Variants in RIPOR3 observed in about 807,000 individuals in gnomAD.
RIPOR3 encodes RIPOR family member 3.
In RIPOR3, 95 loss-of-function variants were observed where a neutral mutation model predicts 114.3. The ratio of observed to expected loss-of-function variants is 0.83; its 90% CI spans 0.70 to 0.99. The LOEUF is 0.99. RIPOR3 is among the 50% of genes least tolerant of loss of function. RIPOR3 has a pLI of 0.00. For synonymous variants in RIPOR3, 575 were observed against 543.8 expected (o/e 1.06, Z -0.80); for missense variants, 1,252 against 1,266.9 (o/e 0.99, Z 0.18).
chr20:50,602,707 A>G lies in RIPOR3; in HGVS notation c.1087-63T>C. ...CCAGGGACCACAGCAAGTCCCCCAG[A>G]GGGGCTTCCCCTGACAGACACCCGC... is the stretch of plus-strand genomic sequence containing the variant. On this transcript the variant is annotated intron_variant, in intron 12 of 21. Transcript: ENST00000327979. This position sits in a 1 kb window ranked among gnomAD's most constrained non-coding sequence, Gnocchi z 4.3. 7.7e-7 allele frequency: 1 copy of G among 1,298,482 alleles called. No homozygotes were observed. The highest frequency in any genetic ancestry group is 1.0e-6 in the Non-Finnish European group (1 of 990,332). 80.4% of individuals were successfully genotyped at this position (1,298,482 alleles called of 1,614,324 possible).
intron 20 of RIPOR3, 26 bp from the exon 21 acceptor site, chr20:50,587,918 C>A (rs756117606): frequency 5.7e-5 from 92 of 1,610,884 alleles, no homozygotes; most frequent in Admixed American, 1.5e-4. Flanking sequence ...AGAAAAAGAA[C>A]CCTTTAGGGG....
chr20:50,682,766 C>T (rs1218650039), intron 1 of RIPOR3, among the ~76,000 whole-genome samples: 1 of 148,636 alleles, frequency 6.7e-6, no homozygotes, highest in East Asian at 2.0e-4. Flanking sequence ...TCGCACTCAT[C>T]GCCCAGGCTG....
intron 1 of RIPOR3, among the ~76,000 whole-genome samples, chr20:50,658,423 T>C (rs2085887818): frequency 1.3e-5 from 2 of 152,176 alleles, no homozygotes; most frequent in South Asian, 2.1e-4. Flanking sequence ...ATCAGAATGG[T>C]TGGACTGAGC....
intron 13 of RIPOR3, among the ~76,000 whole-genome samples, chr20:50,599,831 A>G (rs6020626): frequency 0.023 from 3,479 of 152,166 alleles, 130 homozygotes; most frequent in African/African-American, 0.076. Context: ...GTAAATTCCA[A>G]AATGCAGAAT....
In RIPOR3 at chr20:50,601,390, C is replaced by T. The variant is rs143796954; in HGVS notation, c.1659+682G>A. ...AGGAGGTTGCAGTGAGCCGAGATGG[C>T]GCCGCTACAACTCTGTTGCCAGCCT... On this transcript the variant is annotated intron_variant, in intron 13 of 21. Coordinates refer to ENST00000327979, the MANE Select transcript of RIPOR3 (RefSeq NM_001290268.2). Among the ~76,000 whole-genome samples the T allele has an allele frequency of 5.6e-3, 853 of 152,142 alleles. 6 individuals carry two copies. The highest frequency in any genetic ancestry group is 0.02 in the African/African-American group (811 of 41,506).
At chr20:50,610,729 G>T in intron 6 of RIPOR3, 124 bp downstream of exon 6, 3 of 1,290,570 alleles carry the variant, frequency 2.3e-6, no homozygotes, top group East Asian at 2.3e-5. Flanking sequence ...TCCTGCAGCT[G>T]CCCCATACCC....
chr20:50,637,708 G>C (rs1240246215), intron 1 of RIPOR3, among the ~76,000 whole-genome samples: 4 of 151,854 alleles, frequency 2.6e-5, no homozygotes, highest in East Asian at 1.9e-4. Context: ...AACCCCATCT[G>C]TACTAAAAAT....
intron 19 of RIPOR3, chr20:50,590,059 A>G (rs547366377): frequency 6.1e-6 from 2 of 326,780 alleles, no homozygotes; most frequent in Admixed American, 3.8e-5. Flanking sequence ...TGTCTATAAA[A>G]TGCTGAATCA....
At chr20:50,671,286 G>C (rs756003869) in intron 1 of RIPOR3, among the ~76,000 whole-genome samples, 24 of 152,176 alleles carry the variant, frequency 1.6e-4, no homozygotes, top group Non-Finnish European at 3.2e-4. Flanking sequence ...ACCATGCCCA[G>C]CCATGGGTAG....
rs1484907693 is a variant in RIPOR3 at position 50,611,046 on chromosome 20, C to G, written c.372+135G>C. On this transcript the variant is annotated intron_variant, in intron 5 of 21. Transcript: ENST00000327979. ...CCCTGAGGAAGGCTCATCGCAGAGA[C>G]TCAGCCTTCCCATTCCTAAAATGGG... 9.2e-6 allele frequency: 14 copies of G among 1,527,732 alleles called. No individual in the cohort carries two copies. In the Admixed American group the frequency reaches 2.4e-4, roughly 26 times the overall value. The allele number at this position is 1,527,732 out of a possible 1,614,324, so 94.6% of individuals were successfully genotyped here. A position where few individuals can be genotyped will look rare whatever the true frequency, so the allele number is the denominator to read the frequency against.
intron 1 of RIPOR3, among the ~76,000 whole-genome samples, chr20:50,666,226 T>TCTTTTCTTTTCTCTTCTCCTCTCTTCTC (rs1555873214): frequency 2.1e-5 from 3 of 139,808 alleles, no homozygotes; most frequent in Admixed American, 7.4e-5. Context: ...TCTTTTCTTT[T>TCTTTTCTTTTCTCTTCTCCTCTCTTCTC]TTGAGACGGA....
intron 12 of RIPOR3, 80 bp downstream of exon 12, chr20:50,604,565 A>G: frequency 6.7e-7 from 1 of 1,484,132 alleles, no homozygotes; most frequent in Non-Finnish European, 8.9e-7. Flanking sequence ...TGGGAGGGCC[A>G]GACTGCTCAG....
At chr20:50,669,992 A>C (rs1221888882) in intron 1 of RIPOR3, among the ~76,000 whole-genome samples, 4 of 146,112 alleles carry the variant, frequency 2.7e-5, no homozygotes, top group African/African-American at 1.0e-4. Flanking sequence ...CCCCATCTCT[A>C]CTAAAAATAC....
chr20:50,656,883 A>T (rs1037299011), intron 1 of RIPOR3, among the ~76,000 whole-genome samples: 2 of 152,190 alleles, frequency 1.3e-5, no homozygotes, highest in African/African-American at 4.8e-5. Flanking sequence ...CTATGGATGG[A>T]AATAGAAGTT....
At chr20:50,658,375 A>G (rs1055706637) in intron 1 of RIPOR3, among the ~76,000 whole-genome samples, 4 of 152,216 alleles carry the variant, frequency 2.6e-5, no homozygotes, top group Non-Finnish European at 5.9e-5. Flanking sequence ...TGATCCTTTT[A>G]TATGAGGTTC....
At chr20:50,594,751 G>T in intron 16 of RIPOR3, 37 bp from the exon 17 acceptor site, 1 of 1,587,578 alleles carries the variant, frequency 6.3e-7, no homozygotes, top group South Asian at 1.1e-5. Context: ...ATGGTGACTC[G>T]GGGAGAGCAC....
chr20:50,655,669 CTG>C (rs11469999), intron 1 of RIPOR3, among the ~76,000 whole-genome samples: 9,177 of 144,300 alleles, frequency 0.064, 326 homozygotes, highest in African/African-American at 0.12. Context: ...TTAGCGTGGG[CTG>C]TGTGTGTGTG....
chr20:50,661,698 G>C (rs2086001703), intron 1 of RIPOR3, among the ~76,000 whole-genome samples: 1 of 152,142 alleles, frequency 6.6e-6, no homozygotes, highest in African/African-American at 2.4e-5. Flanking sequence ...GTTGTCTCTT[G>C]AAGGTCCGGA....
intron 1 of RIPOR3, among the ~76,000 whole-genome samples, chr20:50,668,639 T>C (rs1208555945): frequency 6.6e-6 from 1 of 152,108 alleles, no homozygotes; most frequent in Admixed American, 6.5e-5. Context: ...GGCGGATCAC[T>C]TGAGGTCAGG....
Sources: gnomAD v4.1 joint callset for allele counts (sites outside exome capture counted in the v4.1 genomes callset) on GRCh38, gnomAD v4.1.1 for gene constraint, Gnocchi (gnomAD v3.1) non-coding constraint, MANE v1.5 for transcripts, NCBI Gene and HGNC (gene_info 2026-07-23, HGNC 2026-07-21) for gene names.